The following PCDH15 variants were observed in gnomAD, a reference collection of about 807,000 sequenced individuals.
The protein encoded by PCDH15 is protocadherin related 15, also known as protocadherin-15.
A neutral mutation model predicts 178.5 loss-of-function variants in PCDH15; 129 were observed. That is an observed-to-expected ratio of 0.72 (90% CI 0.63 to 0.84). The LOEUF is 0.84. Ranked by LOEUF, PCDH15 falls within the 40% of genes least tolerant of loss-of-function variation. PCDH15 has a pLI of 0.00. For synonymous variants in PCDH15, 800 were observed against 732.0 expected, an observed-to-expected ratio of 1.09 and a Z score of -1.50; for missense variants, 2,230 against 2,099.9, an observed-to-expected ratio of 1.06 and a Z score of -1.21.
chr10:55,578,989 C>A (rs901547389), intron 2 of PCDH15, among the ~76,000 whole-genome samples: 1 of 152,020 alleles, frequency 6.6e-6, no homozygotes, highest in African/African-American at 2.4e-5. Context: ...CACAGCCAAA[C>A]CTTATCAATG....
chr10:54,594,002 C>A (rs2092051833), intron 2 of PCDH15, among the ~76,000 whole-genome samples: 1 of 151,782 alleles, frequency 6.6e-6, no homozygotes, highest in African/African-American at 2.4e-5. Flanking sequence ...AGAGAAGATA[C>A]AGAAGGTGGG....
In PCDH15 at chr10:53,938,946, C is replaced by T. The variant is rs1221821215; in HGVS notation, c.3242G>A (p.Gly1081Glu). The T allele has an allele frequency of 2.5e-6, 4 of 1,612,098 alleles. No individual in the cohort carries two copies. In the East Asian group the frequency reaches 8.9e-5, roughly 36 times the overall value. ...IVSGNEEDTF[G>E]INNITGVIYV... is the part of the protein sequence containing the mutation. ...GATAACACCTGTGATGTTATTAATTCCAAATGTATCTAGAAATTAAAATAC... is the reference window on the plus strand; with the variant it reads ...GATAACACCTGTGATGTTATTAATTTCAAATGTATCTAGAAATTAAAATAC... Residue 1081 changes from glycine (G) to glutamate (E), a missense_variant, in exon 25 of 38, where the codon GGA (glycine) becomes GAA (glutamate). Gly to Glu is a moderately conservative substitution (Grantham distance 98). Coordinates refer to ENST00000644397, the MANE Select transcript of PCDH15 (RefSeq NM_001384140.1).
intron 2 of PCDH15, among the ~76,000 whole-genome samples, chr10:55,448,464 C>A (rs1402805238): frequency 3.3e-5 from 5 of 151,814 alleles, no homozygotes; most frequent in African/African-American, 4.8e-5. Context: ...AAATCATTTC[C>A]AATTTATAAA....
At chr10:54,195,594 C>G in intron 11 of PCDH15, 89 bp downstream of exon 11, 8 of 1,117,272 alleles carry the variant, frequency 7.2e-6, no homozygotes, top group Non-Finnish European at 1.1e-5. Flanking sequence ...TCTTCTCTAG[C>G]TTATGTAGCC....
At chr10:55,420,370 T>C (rs958068317) in intron 2 of PCDH15, among the ~76,000 whole-genome samples, 7 of 151,672 alleles carry the variant, frequency 4.6e-5, no homozygotes, top group African/African-American at 1.7e-4. Context: ...ACAGAAGAGT[T>C]TGCAGACCCC....
At chr10:54,604,640 CATGTTTAACT>C (rs894766571) in intron 2 of PCDH15, among the ~76,000 whole-genome samples, 1 of 151,874 alleles carries the variant, frequency 6.6e-6, no homozygotes, top group Non-Finnish European at 1.5e-5. Flanking sequence ...TCCATCCTAT[CATGTTTAACT>C]ATGTGTGTCC....
intron 2 of PCDH15, among the ~76,000 whole-genome samples, chr10:55,572,209 A>G (rs1842418707): frequency 6.6e-6 from 1 of 151,834 alleles, no homozygotes; most frequent in Non-Finnish European, 1.5e-5. Flanking sequence ...CTTTTTGGAT[A>G]CAGGTACCCC....
Position 54,939,494 on chromosome 10 carries a change from CAAAAAAAAAAA to C in PCDH15, c.-79-42005_-79-41995del, listed in dbSNP as rs71014430. ...TGGGCAATAGAATGAGACTCCGTCT[CAAAAAAAAAAA>C]AAAAAAAAAAAAAAAAAATCAGTGA... On this transcript the variant is annotated intron_variant, in intron 2 of 5. Transcript: ENST00000458638. Among the ~76,000 whole-genome samples, 52 of 26,686 alleles carry C rather than the reference CAAAAAAAAAAA, an allele frequency of 1.9e-3. 1 individual carries two copies. Among genetic ancestry groups the C allele is most frequent in the East Asian group, 2.9e-3 (2 of 684 alleles). The allele number at this position is 26,686 out of a possible 152,430, so 17.5% of individuals were successfully genotyped here. A position where few individuals can be genotyped will look rare whatever the true frequency, so the allele number is the denominator to read the frequency against.
At chr10:55,544,205 T>C (rs1841830479) in intron 2 of PCDH15, among the ~76,000 whole-genome samples, 1 of 146,038 alleles carries the variant, frequency 6.8e-6, no homozygotes, top group South Asian at 2.1e-4. Flanking sequence ...TATGCATATA[T>C]GTAGCTGGTT....
intron 2 of PCDH15, among the ~76,000 whole-genome samples, chr10:55,162,209 G>C (rs1839085194): frequency 6.6e-6 from 1 of 152,098 alleles, no homozygotes. Flanking sequence ...GTTAGATGTA[G>C]AACTTCCCGT....
chr10:53,896,243 C>T (rs556447485), intron 26 of PCDH15, among the ~76,000 whole-genome samples: 5 of 152,164 alleles, frequency 3.3e-5, no homozygotes, highest in African/African-American at 1.2e-4. Context: ...TATCCATTAA[C>T]ATTTCTTCAA....
chr10:54,590,747 T>G (rs2384473), intron 2 of PCDH15, among the ~76,000 whole-genome samples: 3 of 152,044 alleles, frequency 2.0e-5, no homozygotes, highest in Admixed American at 6.6e-5. Flanking sequence ...GGGATTGTTG[T>G]AAGAATCTGA....
chr10:54,271,771 T>C (rs1591522592), intron 8 of PCDH15, among the ~76,000 whole-genome samples: 1 of 151,888 alleles, frequency 6.6e-6, no homozygotes, highest in East Asian at 1.9e-4. Context: ...ATGTTTGTGT[T>C]CCCAAAACCT....
intron 8 of PCDH15, among the ~76,000 whole-genome samples, chr10:54,247,117 GA>G (rs562270395): frequency 1.8e-3 from 279 of 151,968 alleles, no homozygotes; most frequent in Non-Finnish European, 2.9e-3. Flanking sequence ...TCTTGTCAAA[GA>G]AAAGTTTCTA....
intron 5 of PCDH15, among the ~76,000 whole-genome samples, chr10:54,359,478 A>C (rs576320618): frequency 7.9e-5 from 12 of 152,036 alleles, no homozygotes; most frequent in Non-Finnish European, 1.6e-4. Flanking sequence ...TAAATAAATA[A>C]TGTAAAATAT....
chr10:55,181,658 C>T (rs2132135101), intron 1 of PCDH15, among the ~76,000 whole-genome samples: 1 of 151,986 alleles, frequency 6.6e-6, no homozygotes, highest in Non-Finnish European at 1.5e-5. Flanking sequence ...CATTGGAGGA[C>T]CCTACACCAA....
chr10:55,282,060 G>A (rs1007103583), intron 1 of PCDH15, among the ~76,000 whole-genome samples: 30 of 152,124 alleles, frequency 2.0e-4, no homozygotes, highest in Admixed American at 1.6e-3. Context: ...CCAAGAAAGA[G>A]CAATGTTTTA....
intron 1 of PCDH15, among the ~76,000 whole-genome samples, chr10:55,311,464 T>C (rs1843585574): frequency 6.6e-6 from 1 of 152,214 alleles, no homozygotes; most frequent in Non-Finnish European, 1.5e-5. Context: ...CTTCCCGCTG[T>C]ATCACAGTGC....
At position 54,919,158 on chromosome 10, in the gene PCDH15, T is replaced by A. The variant is rs116451152; in HGVS notation, c.-79-21658A>T. Among the ~76,000 whole-genome samples the A allele has an allele frequency of 7.4e-3, 1,129 of 152,322 alleles. 13 individuals carry two copies. Among genetic ancestry groups the A allele is most frequent in the African/African-American group, 0.026 (1,075 of 41,582 alleles). On this transcript the variant is annotated intron_variant, in intron 2 of 5. Transcript: ENST00000458638. ...TAATCGTTTGTTGTCTTTTACACAT[T>A]CATGTTCCTTGAATACTCTTTTTTT...
Sources: allele counts gnomAD v4.1 joint callset (sites outside exome capture counted in the v4.1 genomes callset), GRCh38; gene constraint gnomAD v4.1.1; transcripts MANE v1.5; gene names NCBI Gene and HGNC (gene_info 2026-07-23, HGNC 2026-07-21).